The following ZKSCAN2 variants were observed in gnomAD, a reference collection of about 807,000 sequenced individuals.
ZKSCAN2 encodes the protein zinc finger with KRAB and SCAN domains 2.
A neutral mutation model predicts 90.5 loss-of-function variants in ZKSCAN2; 38 were observed. The ratio of observed to expected loss-of-function variants is 0.42; its 90% CI spans 0.32 to 0.55. The LOEUF is 0.55. ZKSCAN2 is among the 20% of genes least tolerant of loss of function. ZKSCAN2 has a pLI of 0.11. For missense variants in ZKSCAN2, 1,167 were observed against 1,202.6 expected (o/e 0.97, Z 0.44); for synonymous variants, 429 against 421.6 (o/e 1.02, Z -0.22).
chr16:25,256,626 T>C, intron 1 of ZKSCAN2, 103 bp downstream of exon 1: 1 of 1,341,296 alleles, frequency 7.5e-7, no homozygotes, highest in Non-Finnish European at 1.0e-6. Flanking sequence ...TAGTACCATT[T>C]ATCTTTCTCT....
chr16:25,249,969 A>C (rs1449158020), intron 4 of ZKSCAN2, among the ~76,000 whole-genome samples: 2 of 152,186 alleles, frequency 1.3e-5, no homozygotes, highest in Non-Finnish European at 2.9e-5. Context: ...GAATATTGAA[A>C]ATGTGAAAAT....
Position 25,257,108 on chromosome 16 carries a change from G to C in ZKSCAN2, c.20C>G (p.Ser7Cys). MAVALD[S>C]QIDAPLEVEG... The stretch of plus-strand genomic sequence containing the variant: ...AACCTCCAGGGGCGCGTCGATCTGA[G>C]AGTCGAGGGCGACAGCCATGCTGCA... The change falls in exon 1 of 7, where the codon TCT becomes TGT. Residue 7 changes from serine (S) to cysteine (C), a missense_variant. Transcript: ENST00000328086. 2 of 1,605,590 alleles carry C rather than the reference G, an allele frequency of 1.2e-6. No homozygotes were observed. The highest frequency in any genetic ancestry group is 1.7e-6 in the Non-Finnish European group (2 of 1,174,758).
At chr16:25,253,992 C>T (rs1963058902) in intron 2 of ZKSCAN2, among the ~76,000 whole-genome samples, 1 of 151,080 alleles carries the variant, frequency 6.6e-6, no homozygotes, top group African/African-American at 2.5e-5. Flanking sequence ...TGGAACAAGA[C>T]TCCACCTCAA....
rs1963028262 is a variant in ZKSCAN2 at position 25,252,011 on chromosome 16, C to T, written c.703G>A (p.Ala235Thr). Residue 235 changes from alanine (A) to threonine (T), a missense_variant, in exon 4 of 7, where the codon GCC (alanine) becomes ACC (threonine). By Grantham distance (58) the Ala-to-Thr change is moderately conservative. Coordinates refer to ENST00000328086, the MANE Select transcript of ZKSCAN2 (RefSeq NM_001012981.5). ...SQEPVKDVHV[A>T]RGFSYRKSVH... is the part of the protein sequence containing the mutation. The stretch of plus-strand genomic sequence containing the variant: ...CTCTTTCTGTAGGAAAAGCCTCTGG[C>T]CACGTGGACATCTTTCACTGGTTCC... The T allele has an allele frequency of 2.5e-6, 4 of 1,614,012 alleles. No individual in the cohort carries two copies. In the African/African-American group the frequency reaches 4.0e-5, roughly 16 times the overall value.
At chr16:25,250,215 A>C (rs185593322) in intron 4 of ZKSCAN2, among the ~76,000 whole-genome samples, 185 of 152,292 alleles carry the variant, frequency 1.2e-3, no homozygotes, top group Middle Eastern at 3.4e-3. Context: ...AGGCTGAGGC[A>C]GGAGAATCGC....
rs780971500 is a variant in ZKSCAN2, at chr16:25,239,825, T to C, written c.2895A>G (p.Lys965=). The C allele has an allele frequency of 3.2e-6, 5 of 1,576,270 alleles. No individual in the cohort carries two copies. The highest frequency in any genetic ancestry group is 3.4e-6 in the Non-Finnish European group (4 of 1,162,880). Residue 965 remains lysine, a synonymous_variant, in exon 7 of 7, where the codon AAA becomes AAG. Coordinates refer to ENST00000328086, the MANE Select transcript of ZKSCAN2 (RefSeq NM_001012981.5). ...GAAGAGAAGATCATCATCAAAAAGT[T>C]TTCCTAAATTCATCAGTCTTTCCCT... is the stretch of plus-strand genomic sequence containing the variant. ...PHKGKTDEFR[K]TF is the part of the protein sequence containing the mutation.
chr16:25,257,550 C>G lies in ZKSCAN2; in HGVS notation c.-423G>C. ...GAGGCGAGTCCCCGAGTGGGTGGGG[C>G]CGGATGTGCAGGCCCCGCCCGGCGC... On this transcript the variant is annotated 5_prime_UTR_variant, in exon 1 of 7. Transcript: ENST00000328086. 3.1e-6 allele frequency: 3 copies of G among 981,564 alleles called. No individual in the cohort carries two copies. The highest frequency in any genetic ancestry group is 3.6e-6 in the Non-Finnish European group (3 of 826,080). The allele number at this position is 981,564 out of a possible 1,614,324, so 60.8% of individuals were successfully genotyped here.
In ZKSCAN2 at chr16:25,246,959, G is replaced by A; in HGVS notation, c.1237C>T (p.Leu413=). Residue 413 remains leucine, a synonymous_variant, in exon 5 of 7, where the codon CTA becomes TTA. Coordinates refer to ENST00000328086, the MANE Select transcript of ZKSCAN2 (RefSeq NM_001012981.5). ...TCCTCAAAGAAGGCGCAGGGTTCTA[G>A]CATGTGGCCATTTCTCACCTTTCGA... ...SYRKVRNGHM[L]EPCAFFEDMD... 9.9e-6 allele frequency: 16 copies of A among 1,614,188 alleles called. No individual in the cohort carries two copies. Among genetic ancestry groups the A allele is most frequent in the Non-Finnish European group, 1.1e-5 (13 of 1,180,046 alleles).
rs774323991 is a variant in ZKSCAN2, at chr16:25,256,830, T to C, written c.298A>G (p.Lys100Glu). Residue 100 changes from lysine to glutamate, a missense_variant, in exon 1 of 7, where the codon AAG becomes GAG. By Grantham distance (56) the Lys-to-Glu change is moderately conservative. Transcript: ENST00000328086. The stretch of plus-strand genomic sequence containing the variant: ...TGCTTCTGTGCCCAAGCCTGAATCT[T>C]CTCGGGTAAAATGGTGAGAAACTGC... ...IEQFLTILPE[K>E]IQAWAQKQCP... The C allele has an allele frequency of 9.3e-6, 15 of 1,614,062 alleles. No individual in the cohort carries two copies. The highest frequency in any genetic ancestry group is 1.0e-5 in the Non-Finnish European group (12 of 1,180,038).
At chr16:25,251,457 A>G (rs1963019828) in intron 4 of ZKSCAN2, among the ~76,000 whole-genome samples, 1 of 152,210 alleles carries the variant, frequency 6.6e-6, no homozygotes, top group Non-Finnish European at 1.5e-5. Flanking sequence ...ACTTCTGAAG[A>G]CATTTTGGTG....
rs142344043 is a variant in ZKSCAN2, at chr16:25,240,144, T to C, written c.2576A>G (p.Tyr859Cys). The change falls in exon 7 of 7, where the codon TAT becomes TGT. Residue 859 changes from tyrosine to cysteine, a missense_variant. Coordinates refer to ENST00000328086, the MANE Select transcript of ZKSCAN2 (RefSeq NM_001012981.5). Reference sequence around the variant, plus strand: ...ACTTTTCCCACACTCTCCACACTGATAGGGCTTCTCACCGGTGTGCGTTCT... The same window carrying C: ...ACTTTTCCCACACTCTCCACACTGACAGGGCTTCTCACCGGTGTGCGTTCT... The part of the protein sequence containing the change: ...HQRTHTGEKP[Y>C]QCGECGKSFT... 7.1e-5 allele frequency: 115 copies of C among 1,613,986 alleles called. No individual in the cohort carries two copies. Among genetic ancestry groups the C allele is most frequent in the Non-Finnish European group, 9.5e-5 (112 of 1,180,034 alleles).
At position 25,257,412 on chromosome 16, in the gene ZKSCAN2, A is replaced by G; in HGVS notation, c.-285T>C. On this transcript the variant is annotated 5_prime_UTR_variant, in exon 1 of 7. Transcript: ENST00000328086. ...CATCCCTCTTAGTGCAAAGTCGGAA[A>G]CCGGGAGGCTGGACGACTGGGAGAA... The G allele has an allele frequency of 8.8e-7, 1 of 1,135,736 alleles. No individual in the cohort carries two copies. Among genetic ancestry groups the G allele is most frequent in the Non-Finnish European group, 1.1e-6 (1 of 927,850 alleles). The allele number at this position is 1,135,736 out of a possible 1,614,324, so 70.4% of individuals were successfully genotyped here.
Position 25,240,117 on chromosome 16 carries a change from A to C in ZKSCAN2, c.2603T>G (p.Phe868Cys). The C allele has an allele frequency of 6.2e-7, 1 of 1,613,896 alleles. No homozygotes were observed. The highest frequency in any genetic ancestry group is 8.5e-7 in the Non-Finnish European group (1 of 1,179,996). The part of the protein sequence containing the change: ...PYQCGECGKS[F>C]TNSSHFSAHR... ...GGCGCTGAAATGAGAACTGTTGGTGAAACTTTTCCCACACTCTCCACACTG... is the reference window on the plus strand; with the variant it reads ...GGCGCTGAAATGAGAACTGTTGGTGCAACTTTTCCCACACTCTCCACACTG... Residue 868 changes from phenylalanine (F) to cysteine (C), a missense_variant, in exon 7 of 7, where the codon TTC (phenylalanine) becomes TGC (cysteine). Phe to Cys is a radical substitution (Grantham distance 205, BLOSUM62 -2). Transcript: ENST00000328086.
chr16:25,242,615 A>C (rs1962871251), intron 6 of ZKSCAN2, among the ~76,000 whole-genome samples: 1 of 152,226 alleles, frequency 6.6e-6, no homozygotes, highest in South Asian at 2.1e-4. Context: ...AGAGCCAAGG[A>C]CATTCAAGGT....
chr16:25,255,090 T>C, intron 2 of ZKSCAN2, 116 bp downstream of exon 2: 1 of 1,053,352 alleles, frequency 9.5e-7, no homozygotes, highest in Non-Finnish European at 1.3e-6. Context: ...ATGAAACCTT[T>C]CTCCTATTCT....
At chr16:25,250,736 C>CAATT (rs1247166259) in intron 4 of ZKSCAN2, among the ~76,000 whole-genome samples, 1 of 152,030 alleles carries the variant, frequency 6.6e-6, no homozygotes, top group Non-Finnish European at 1.5e-5. Context: ...TAAATATACA[C>CAATT]AATTTTATTT....
chr16:25,247,533 G>T, intron 4 of ZKSCAN2, 143 bp from the exon 5 acceptor site: 1 of 639,456 alleles, frequency 1.6e-6, no homozygotes, highest in Non-Finnish European at 2.7e-6. Flanking sequence ...ATTTTTACAT[G>T]ACTTCCTTGG....
chr16:25,238,107 A>G lies in ZKSCAN2; in HGVS notation c.*1709T>C, dbSNP rs1369395775. ...ACCCTATTCTGGCACCATAAATTAG[A>G]TTTCTTTCTACAGTGCCTACCCTCC... On this transcript the variant is annotated 3_prime_UTR_variant, in exon 7 of 7. Transcript: ENST00000328086. The G allele has an allele frequency of 6.6e-6, 1 of 152,226 alleles. No individual in the cohort carries two copies. The highest frequency in any genetic ancestry group is 6.5e-5 in the Admixed American group (1 of 15,274). 9.4% of individuals were successfully genotyped at this position (152,226 alleles called of 1,614,324 possible).
At position 25,243,766 on chromosome 16, in the gene ZKSCAN2, C is replaced by CCTTGGTTTTGCACCAAAACTG. The variant is rs773323529; in HGVS notation, c.1981+18_1981+19insCAGTTTTGGTGCAAAACCAAG. 1.3e-6 allele frequency: 2 copies of CCTTGGTTTTGCACCAAAACTG among 1,578,322 alleles called. No homozygotes were observed. Among genetic ancestry groups the CCTTGGTTTTGCACCAAAACTG allele is most frequent in the East Asian group, 2.2e-5 (1 of 44,536 alleles). ...CTTATTCCTCTTTTGGACTAAAACT[C>CCTTGGTTTTGCACCAAAACTG]CTTGGTTTTGCACCTTACCATTTGG... is the stretch of plus-strand genomic sequence containing the variant. On this transcript the variant is annotated intron_variant, in intron 6 of 6. Transcript: ENST00000328086.
Sources: allele counts gnomAD v4.1 joint callset (sites outside exome capture counted in the v4.1 genomes callset), GRCh38; gene constraint gnomAD v4.1.1; transcripts MANE v1.5; gene names NCBI Gene and HGNC (gene_info 2026-07-23, HGNC 2026-07-21).